LPP: variants seen among roughly 807,000 people sequenced by gnomAD.
LPP encodes LIM domain containing preferred translocation partner in lipoma, also known as lipoma-preferred partner.
In LPP, 38 loss-of-function variants were observed where a neutral mutation model predicts 60.4. The observed-to-expected ratio is 0.63, with a 90% confidence interval of 0.49 to 0.83. The LOEUF is 0.83. Among genes scored for constraint, LPP ranks in the 40% least tolerant of loss-of-function variants. The pLI is 0.00. For synonymous variants in LPP, 328 were observed against 290.8 expected, an observed-to-expected ratio of 1.13 and a Z score of -1.30; for missense variants, 902 against 783.6, an observed-to-expected ratio of 1.15 and a Z score of -1.80.
At chr3:188,521,900 T>C (rs560911802) in intron 5 of LPP, among the ~76,000 whole-genome samples, 2 of 152,364 alleles carry the variant, frequency 1.3e-5, no homozygotes, top group South Asian at 4.1e-4. Context: ...ATATTTTATA[T>C]CTGCGCACAA....
At chr3:188,701,446 A>G (rs1164223259) in intron 7 of LPP, among the ~76,000 whole-genome samples, 2 of 152,250 alleles carry the variant, frequency 1.3e-5, no homozygotes, top group Non-Finnish European at 2.9e-5. Flanking sequence ...AAAGCATTCA[A>G]TTTCCCATGA....
At chr3:188,373,953 A>G (rs1179859654) in intron 3 of LPP, among the ~76,000 whole-genome samples, 6 of 152,208 alleles carry the variant, frequency 3.9e-5, no homozygotes, top group African/African-American at 1.2e-4. Context: ...AGCACCATTT[A>G]TTAAATAGGG....
At position 188,609,686 on chromosome 3, in the gene LPP, C is replaced by T; in HGVS notation, c.955C>T (p.Gln319Ter). The change falls in exon 7 of 12, where the codon CAA (glutamine) becomes TAA (stop). Residue 319 changes from glutamine (Q) to a stop codon, truncating the protein, a stop_gained. Transcript: ENST00000617246. LOFTEE classifies it high-confidence loss of function. The surrounding 1 kb of genome is among the most constrained non-coding windows in gnomAD (Gnocchi z 6.9). Reference sequence around the variant, plus strand: ...AAATGACTCTGACCCTACCTATGGTCAACAAGGTCACCCAAATACCTGGAA... The same window carrying T: ...AAATGACTCTGACCCTACCTATGGTTAACAAGGTCACCCAAATACCTGGAA... ...GRNDSDPTYG[Q>*]QGHPNTWKRE... is the part of the protein sequence containing the mutation. 2.5e-6 allele frequency: 4 copies of T among 1,614,126 alleles called. No individual in the cohort carries two copies. Among genetic ancestry groups the T allele is most frequent in the Non-Finnish European group, 3.4e-6 (4 of 1,180,012 alleles).
chr3:188,624,265 G>T (rs1255161161), intron 7 of LPP, among the ~76,000 whole-genome samples: 2 of 152,172 alleles, frequency 1.3e-5, no homozygotes, highest in African/African-American at 4.8e-5. Context: ...CACCGTTGAA[G>T]AGCTGATCAG....
At chr3:188,324,862 G>T (rs556747887) in intron 2 of LPP, among the ~76,000 whole-genome samples, 23 of 152,234 alleles carry the variant, frequency 1.5e-4, no homozygotes, top group African/African-American at 5.3e-4. Flanking sequence ...TTCACACTGA[G>T]TTTATCTGGG....
chr3:188,393,130 G>C (rs148885430), intron 3 of LPP, among the ~76,000 whole-genome samples: 12 of 151,210 alleles, frequency 7.9e-5, no homozygotes, highest in Admixed American at 7.3e-4. Context: ...TCTCGTATGT[G>C]TGGGGTCAGG....
intron 3 of LPP, among the ~76,000 whole-genome samples, chr3:188,395,633 A>G (rs1780755627): frequency 1.3e-5 from 2 of 152,218 alleles, no homozygotes; most frequent in South Asian, 4.1e-4. Flanking sequence ...TAATTCAATA[A>G]TAGTAATTTA....
chr3:188,247,131 G>C lies in LPP; in HGVS notation c.-67+21604G>C, dbSNP rs1727247406. The C allele has an allele frequency of 5.1e-6, 5 of 981,512 alleles. No homozygotes were observed. The Admixed American group carries it at 3.1e-4, about 60-fold the overall frequency. The allele number at this position is 981,512 out of a possible 1,614,324, so 60.8% of individuals were successfully genotyped here. A position where few individuals can be genotyped will look rare whatever the true frequency, so the allele number is the denominator to read the frequency against. ...TGACCCATCTGTGAAATGGGGTAAT[G>C]AGCTCTTTTCGGCATGAAGGCAAGG... On this transcript the variant is annotated intron_variant, in intron 2 of 11. Transcript: ENST00000617246.
At chr3:188,242,735 A>G (rs534509662) in intron 2 of LPP, among the ~76,000 whole-genome samples, 2 of 152,314 alleles carry the variant, frequency 1.3e-5, no homozygotes, top group Admixed American at 1.3e-4. Flanking sequence ...TTCATGCAAA[A>G]TTCATTAAAC....
chr3:188,269,171 C>T (rs943655910), intron 2 of LPP, among the ~76,000 whole-genome samples: 2 of 152,192 alleles, frequency 1.3e-5, no homozygotes, highest in African/African-American at 4.8e-5. Flanking sequence ...TAATAGGTGG[C>T]TGTTTTCTGT....
At chr3:188,666,699 C>T (rs756917780) in intron 7 of LPP, among the ~76,000 whole-genome samples, 2 of 152,200 alleles carry the variant, frequency 1.3e-5, no homozygotes, top group Non-Finnish European at 2.9e-5. Context: ...AATGCTTACT[C>T]GGTGCCAATC....
intron 1 of LPP, among the ~76,000 whole-genome samples, chr3:188,202,878 C>T (rs1731473907): frequency 6.6e-6 from 1 of 151,922 alleles, no homozygotes; most frequent in Non-Finnish European, 1.5e-5. Context: ...CTAGAACCCT[C>T]ATTTTATGGA....
At chr3:188,292,129 A>T (rs957713010) in intron 2 of LPP, among the ~76,000 whole-genome samples, 3 of 152,214 alleles carry the variant, frequency 2.0e-5, no homozygotes, top group Admixed American at 2.0e-4. Flanking sequence ...CAAATGTCAA[A>T]GCATTTCGTG....
At chr3:188,662,987 A>T (rs539382079) in intron 7 of LPP, among the ~76,000 whole-genome samples, 5 of 152,380 alleles carry the variant, frequency 3.3e-5, no homozygotes, top group Admixed American at 2.6e-4. Flanking sequence ...ATAGTATGTT[A>T]TCTGAATTTA....
intron 1 of LPP, among the ~76,000 whole-genome samples, chr3:188,198,478 G>A (rs929436289): frequency 2.6e-5 from 4 of 152,182 alleles, no homozygotes; most frequent in African/African-American, 9.7e-5. Flanking sequence ...TCAGCTGAAG[G>A]GTATGGTGGA....
intron 4 of LPP, among the ~76,000 whole-genome samples, chr3:188,425,392 T>C (rs1053357868): frequency 6.6e-6 from 1 of 152,214 alleles, no homozygotes; most frequent in Non-Finnish European, 1.5e-5. Flanking sequence ...ATCAGGGATA[T>C]TGGCCTGAAA....
intron 4 of LPP, among the ~76,000 whole-genome samples, chr3:188,458,380 A>G (rs1362298098): frequency 6.6e-6 from 1 of 152,212 alleles, no homozygotes; most frequent in African/African-American, 2.4e-5. Context: ...GTGCATTTTA[A>G]CTAATAAAGG....
intron 9 of LPP, 95 bp downstream of exon 9, chr3:188,760,377 G>T: frequency 7.4e-7 from 1 of 1,343,446 alleles, no homozygotes. Flanking sequence ...TCAGATCTTT[G>T]CTTCTTCCTA....
intron 1 of LPP, among the ~76,000 whole-genome samples, chr3:188,197,835 T>A (rs562278047): frequency 3.3e-5 from 5 of 152,210 alleles, no homozygotes; most frequent in African/African-American, 4.8e-5. Flanking sequence ...ATGTCTGGGC[T>A]GTTTTCCCCT....
Sources: allele counts gnomAD v4.1 joint callset (sites outside exome capture counted in the v4.1 genomes callset), GRCh38; gene constraint gnomAD v4.1.1; non-coding constraint Gnocchi (gnomAD v3.1); transcripts MANE v1.5; gene names NCBI Gene and HGNC (gene_info 2026-07-23, HGNC 2026-07-21).